Variants in PCSK6 observed in about 807,000 individuals in gnomAD.
PCSK6 encodes paired basic amino acid cleaving enzyme 4.
Under a neutral mutation model 123.3 loss-of-function variants are expected in PCSK6, and 85 were observed. The observed-to-expected ratio is 0.69, with a 90% CI of 0.58 to 0.83. The LOEUF (loss-of-function observed/expected upper bound fraction) is 0.83, where lower values mean the gene tolerates loss of function less well. Among genes scored for constraint, PCSK6 ranks in the 40% least tolerant of loss-of-function variants. The pLI is 0.00. For missense variants in PCSK6, 1,191 were observed against 1,282.3 expected, an observed-to-expected ratio of 0.93 and a Z score of 1.09; for synonymous variants, 508 against 516.0, an observed-to-expected ratio of 0.98 and a Z score of 0.21.
chr15:101,447,992 G>A (rs771179044), intron 1 of PCSK6, among the ~76,000 whole-genome samples: 38 of 152,338 alleles, frequency 2.5e-4, no homozygotes, highest in Non-Finnish European at 4.0e-4. Flanking sequence ...GCTCAGCCCC[G>A]TGTCCTCCCC....
At chr15:101,384,478 C>G in intron 9 of PCSK6, 53 bp from the exon 10 acceptor site, 1 of 1,503,508 alleles carries the variant, frequency 6.7e-7, no homozygotes, top group East Asian at 2.3e-5. Context: ...ACGGCAGCCA[C>G]ACAGGCCACT....
Position 101,322,976 on chromosome 15 carries a change from G to A in PCSK6, c.2378-369C>T, listed in dbSNP as rs778259259. Among the ~76,000 whole-genome samples, 64 of 152,362 alleles carry A rather than the reference G, an allele frequency of 4.2e-4. No homozygotes were observed. The Middle Eastern group carries it at 0.01, about 24-fold the overall frequency. On this transcript the variant is annotated intron_variant, in intron 17 of 21. Transcript: ENST00000611716. ...GGGGGGTGGAGAGCCTGAGGCTGCC[G>A]CTTGCCCACCACGGTGCTTTCTCAG...
intron 13 of PCSK6, among the ~76,000 whole-genome samples, chr15:101,351,513 C>T (rs1269440965): frequency 6.6e-6 from 1 of 152,146 alleles, no homozygotes; most frequent in Non-Finnish European, 1.5e-5. Context: ...CAGCCATCGG[C>T]TGGTTATGGA....
At chr15:101,473,116 C>A (rs1321354411) in intron 1 of PCSK6, among the ~76,000 whole-genome samples, 2 of 152,150 alleles carry the variant, frequency 1.3e-5, no homozygotes. Context: ...GCTCTGTCAC[C>A]CAGGCTGGAG....
chr15:101,441,019 A>G (rs1281840117), intron 2 of PCSK6, among the ~76,000 whole-genome samples: 2 of 152,202 alleles, frequency 1.3e-5, no homozygotes, highest in African/African-American at 2.4e-5. Context: ...AGCCAATCCT[A>G]GGAACGTTCC....
chr15:101,438,582 C>A (rs914797375), intron 2 of PCSK6, among the ~76,000 whole-genome samples: 12 of 152,178 alleles, frequency 7.9e-5, no homozygotes, highest in Non-Finnish European at 1.6e-4. Context: ...TCCTCTCTCC[C>A]GAGGCATCCG....
intron 6 of PCSK6, among the ~76,000 whole-genome samples, chr15:101,427,084 C>T (rs995616701): frequency 3.3e-5 from 5 of 152,240 alleles, no homozygotes; most frequent in African/African-American, 1.2e-4. Flanking sequence ...TGAGCTGTCA[C>T]ACTGCCGGGC....
At chr15:101,310,957 T>C (rs979027945) in intron 20 of PCSK6, among the ~76,000 whole-genome samples, 1 of 152,146 alleles carries the variant, frequency 6.6e-6, no homozygotes, top group Non-Finnish European at 1.5e-5. Context: ...CCTCCAAGTG[T>C]CATGATGAGA....
chr15:101,343,872 C>T (rs970184257), intron 13 of PCSK6, among the ~76,000 whole-genome samples: 9 of 152,108 alleles, frequency 5.9e-5, no homozygotes, highest in Non-Finnish European at 1.0e-4. Flanking sequence ...GGGCAGATCA[C>T]GGATCAGGAG....
intron 18 of PCSK6, among the ~76,000 whole-genome samples, chr15:101,319,787 A>G (rs1277827373): frequency 6.6e-6 from 1 of 152,224 alleles, no homozygotes; most frequent in Non-Finnish European, 1.5e-5. Flanking sequence ...TAGGGATGGA[A>G]GGTCCAGCGC....
At chr15:101,367,966 A>G (rs777348611) in intron 12 of PCSK6, among the ~76,000 whole-genome samples, 3 of 152,242 alleles carry the variant, frequency 2.0e-5, no homozygotes, top group Non-Finnish European at 4.4e-5. Flanking sequence ...CTGGGATCAC[A>G]GGTGCGTGCC....
chr15:101,411,370 A>G (rs939574178), intron 6 of PCSK6, among the ~76,000 whole-genome samples: 4 of 152,094 alleles, frequency 2.6e-5, no homozygotes, highest in African/African-American at 4.8e-5. Flanking sequence ...CTAAGGCCAG[A>G]GCACCAGGAC....
At chr15:101,359,998 C>G (rs8031210) in intron 13 of PCSK6, among the ~76,000 whole-genome samples, 12 of 152,058 alleles carry the variant, frequency 7.9e-5, no homozygotes, top group South Asian at 2.1e-4. Flanking sequence ...ATCTTCCCCC[C>G]CTGCAATGTT....
Position 101,433,252 on chromosome 15 carries a change from A to G in PCSK6, c.403-1152T>C, listed in dbSNP as rs186062257. ...TTGCCACAGGGTTAATATAAGAAAC[A>G]ACACATATAAAGCCCTCAGACCAGT... On this transcript the variant is annotated intron_variant, in intron 2 of 21. Transcript: ENST00000611716. Among the ~76,000 whole-genome samples, 178 of 152,288 alleles carry G rather than the reference A, an allele frequency of 1.2e-3. 5 individuals carry two copies. In the East Asian group the frequency reaches 0.031, roughly 26 times the overall value.
At chr15:101,362,495 T>C (rs1078988) in intron 13 of PCSK6, among the ~76,000 whole-genome samples, 53,189 of 151,670 alleles carry the variant, frequency 0.35, 10,294 homozygotes, top group East Asian at 0.58. Flanking sequence ...GACCCAGGAG[T>C]GCGTGCAGGG....
intron 13 of PCSK6, chr15:101,334,615 G>C (rs1299703965): frequency 6.6e-6 from 1 of 152,304 alleles, no homozygotes; most frequent in African/African-American, 2.4e-5. Context: ...GGTGCACTGA[G>C]ATTGGCTGGG....
chr15:101,359,025 G>A (rs1421863724), intron 13 of PCSK6, among the ~76,000 whole-genome samples: 1 of 152,198 alleles, frequency 6.6e-6, no homozygotes, highest in African/African-American at 2.4e-5. Context: ...AGAGCCTGTG[G>A]GTGACAGGAA....
At position 101,431,410 on chromosome 15, in the gene PCSK6, C is replaced by T. The variant is rs1431149788; in HGVS notation, c.567G>A (p.Ala189=). ...TTTTTCCTGTGTAGCCCCTCTTCCACGCTGCCTGGACATTCATTTCCGACC... is the reference window on the plus strand; with the variant it reads ...TTTTTCCTGTGTAGCCCCTCTTCCATGCTGCCTGGACATTCATTTCCGACC... ...RCRSEMNVQA[A]WKRGYTGKNV... is the part of the protein sequence containing the mutation. Residue 189 remains alanine, a synonymous_variant, in exon 4 of 22, where the codon GCG becomes GCA. Transcript: ENST00000611716. The T allele has an allele frequency of 2.7e-5, 44 of 1,613,958 alleles. No homozygotes were observed. The highest frequency in any genetic ancestry group is 3.4e-5 in the Non-Finnish European group (40 of 1,179,872).
At chr15:101,485,370 T>C (rs79443898) in intron 1 of PCSK6, among the ~76,000 whole-genome samples, 24,537 of 152,166 alleles carry the variant, frequency 0.16, 2,175 homozygotes, top group Middle Eastern at 0.25. Context: ...AATACTTTCC[T>C]GGTCTATTCT....
Sources: gnomAD v4.1 joint callset for allele counts (sites outside exome capture counted in the v4.1 genomes callset) on GRCh38, gnomAD v4.1.1 for gene constraint, MANE v1.5 for transcripts, NCBI Gene and HGNC (gene_info 2026-07-23, HGNC 2026-07-21) for gene names.